Variants in UNC5A observed in about 807,000 individuals in gnomAD.
The protein encoded by UNC5A is netrin receptor UNC5A.
Under a neutral mutation model 87.4 loss-of-function variants are expected in UNC5A, and 20 were observed. That is an observed-to-expected ratio of 0.23 (90% CI 0.16 to 0.33). The LOEUF is 0.33. Ranked by LOEUF, UNC5A falls within the 10% of genes least tolerant of loss-of-function variation. The pLI is 1.00. For synonymous variants in UNC5A, 438 were observed against 482.3 expected, an observed-to-expected ratio of 0.91 and a Z score of 1.20; for missense variants, 844 against 1,133.4, an observed-to-expected ratio of 0.74 and a Z score of 3.67.
intron 1 of UNC5A, among the ~76,000 whole-genome samples, chr5:176,817,934 G>T (rs1756633510): frequency 6.6e-6 from 1 of 151,986 alleles, no homozygotes; most frequent in Non-Finnish European, 1.5e-5. Context: ...GGATGCCTCC[G>T]CCCGCCAGCC....
intron 1 of UNC5A, among the ~76,000 whole-genome samples, chr5:176,855,297 G>A (rs550043144): frequency 3.3e-5 from 5 of 152,328 alleles, no homozygotes; most frequent in Non-Finnish European, 5.9e-5. Flanking sequence ...CCATGCCCAC[G>A]GCTCCAAGCT....
intron 1 of UNC5A, among the ~76,000 whole-genome samples, chr5:176,842,765 G>C (rs1757306594): frequency 6.6e-6 from 1 of 152,136 alleles, no homozygotes; most frequent in Non-Finnish European, 1.5e-5. Flanking sequence ...ATACTGCTCG[G>C]GTGATGGGTG....
rs548683112 is a variant in UNC5A at position 176,824,232 on chromosome 5, G to T, written c.70+13412G>T. Among the ~76,000 whole-genome samples, 16 of 152,346 alleles carry T rather than the reference G, an allele frequency of 1.1e-4. No individual in the cohort carries two copies. Among genetic ancestry groups the T allele is most frequent in the Non-Finnish European group, 1.9e-4 (13 of 68,028 alleles). On this transcript the variant is annotated intron_variant, in intron 1 of 14. Coordinates refer to ENST00000329542, the MANE Select transcript of UNC5A (RefSeq NM_133369.3). This position sits in a 1 kb window ranked among gnomAD's most constrained non-coding sequence, Gnocchi z 4.2. ...CCCCATGTGTGGAAAGCGGCCGTGGGGCTGAGGCGGGTGAGGCCAGCGCAC... is the reference window on the plus strand; with the variant it reads ...CCCCATGTGTGGAAAGCGGCCGTGGTGCTGAGGCGGGTGAGGCCAGCGCAC...
At chr5:176,823,578 G>A (rs1254687128) in intron 1 of UNC5A, among the ~76,000 whole-genome samples, 1 of 152,036 alleles carries the variant, frequency 6.6e-6, no homozygotes, top group African/African-American at 2.4e-5. Context: ...GAAGCCCTAC[G>A]GGGTAGGTCG....
Position 176,866,827 on chromosome 5 carries a change from G to A in UNC5A, c.293-1303G>A, listed in dbSNP as rs1757986579. Among the ~76,000 whole-genome samples, 1 of 152,294 alleles carries A rather than the reference G, an allele frequency of 6.6e-6. No homozygotes were observed. The highest frequency in any genetic ancestry group is 1.5e-5 in the Non-Finnish European group (1 of 68,022). On this transcript the variant is annotated intron_variant, in intron 2 of 14. Transcript: ENST00000329542. The surrounding 1 kb of genome is among the most constrained non-coding windows in gnomAD (Gnocchi z 5.0). ...CACACTGGGTGTCTTAGAGAACGGG[G>A]CAGGTGGTGCCCAGAACGGAGGGAA...
At chr5:176,858,776 C>A (rs59843393) in intron 1 of UNC5A, among the ~76,000 whole-genome samples, 3,355 of 16,414 alleles carry the variant, frequency 0.2, 243 homozygotes, top group African/African-American at 0.33. Flanking sequence ...GGAAGGAAGG[C>A]AAGCAAGCAG....
rs773997914 is a variant in UNC5A, at chr5:176,844,268, C to G, written c.71-18356C>G. On this transcript the variant is annotated intron_variant, in intron 1 of 14. Coordinates refer to ENST00000329542, the MANE Select transcript of UNC5A (RefSeq NM_133369.3). This position sits in a 1 kb window ranked among gnomAD's most constrained non-coding sequence, Gnocchi z 4.2. ...GGAGAGAACACTTGGTCCTGGTATC[C>G]CGTGGGCCACCGGGGTTCTCTTGGT... 1.3e-5 allele frequency among the ~76,000 whole-genome samples: 2 copies of G among 151,922 alleles called. No homozygotes were observed. Among genetic ancestry groups the G allele is most frequent in the African/African-American group, 4.8e-5 (2 of 41,368 alleles).
rs1282337928 is a variant in UNC5A at position 176,831,883 on chromosome 5, CTCTTTT to C, written c.70+21065_70+21070del. On this transcript the variant is annotated intron_variant, in intron 1 of 14. Coordinates refer to ENST00000329542, the MANE Select transcript of UNC5A (RefSeq NM_133369.3). ...TTTCACTTTCACACACTTTCTCTCT[CTCTTTT>C]TTTTTTTTTTTTTTTTTTTTTTTTT... 3.3e-4 allele frequency among the ~76,000 whole-genome samples: 38 copies of C among 115,302 alleles called. 2 individuals are homozygous for C. The highest frequency in any genetic ancestry group is 1.2e-3 in the African/African-American group (34 of 27,284). The allele number at this position is 115,302 out of a possible 152,430, so 75.6% of individuals were successfully genotyped here. A position where few individuals can be genotyped will look rare whatever the true frequency, so the allele number is the denominator to read the frequency against.
chr5:176,829,478 ATGGT>A (rs1353824414), intron 1 of UNC5A, among the ~76,000 whole-genome samples: 20 of 127,506 alleles, frequency 1.6e-4, no homozygotes, highest in African/African-American at 5.9e-4. Flanking sequence ...GGGTGGGTGG[ATGGT>A]TGGGTGGGTG....
At chr5:176,853,840 C>T (rs989122798) in intron 1 of UNC5A, among the ~76,000 whole-genome samples, 6 of 152,030 alleles carry the variant, frequency 3.9e-5, no homozygotes, top group African/African-American at 9.7e-5. Context: ...ACTGCTAGGG[C>T]GACAGAGGAT....
intron 1 of UNC5A, among the ~76,000 whole-genome samples, chr5:176,828,720 C>T (rs1278276136): frequency 6.6e-6 from 1 of 152,162 alleles, no homozygotes; most frequent in African/African-American, 2.4e-5. Context: ...TTAAAACACA[C>T]GCTTCTTGAG....
intron 11 of UNC5A, 46 bp downstream of exon 11, chr5:176,878,173 C>A: frequency 6.2e-7 from 1 of 1,603,916 alleles, no homozygotes. Flanking sequence ...CCGAGCTATG[C>A]CTGGCCCTGT....
intron 1 of UNC5A, among the ~76,000 whole-genome samples, chr5:176,862,188 C>A (rs966146105): frequency 6.6e-6 from 1 of 152,204 alleles, no homozygotes; most frequent in Non-Finnish European, 1.5e-5. Flanking sequence ...GGAAGCAGGG[C>A]CCCAGAGGCG....
At position 176,877,213 on chromosome 5, in the gene UNC5A, C is replaced by G. The variant is rs764472157; in HGVS notation, c.1400C>G (p.Pro467Arg). ...PNTGISLLIPPDAIPRGKIYE... is the reference protein window; with the variant it reads ...PNTGISLLIPRDAIPRGKIYE... ...CCAGGAATCAGCCTCCTCATCCCCC[C>G]AGATGCCATACCCCGAGGGAAGATC... The change falls in exon 9 of 15, where the codon CCA becomes CGA. Residue 467 changes from proline to arginine, a missense_variant. Physicochemically the swap from Pro to Arg is moderately radical, Grantham distance 103. Transcript: ENST00000329542. The G allele has an allele frequency of 6.2e-7, 1 of 1,612,858 alleles. No individual in the cohort carries two copies. Among genetic ancestry groups the G allele is most frequent in the Non-Finnish European group, 8.5e-7 (1 of 1,179,662 alleles).
chr5:176,846,167 C>T (rs931323441), intron 1 of UNC5A, among the ~76,000 whole-genome samples: 2 of 152,026 alleles, frequency 1.3e-5, no homozygotes, highest in African/African-American at 2.4e-5. Context: ...CACTTTCTGC[C>T]CTGAGGTCCT....
In UNC5A at chr5:176,865,465, CG is replaced by C; in HGVS notation, c.292+2623del. ...TCCTGTGGCCCTGTTCTCTTCCTGC[CG>C]GGCAGAGAAGCAGAGCTTGGGACAC... On this transcript the variant is annotated intron_variant, in intron 2 of 14. Transcript: ENST00000329542. The surrounding 1 kb of genome is among the most constrained non-coding windows in gnomAD (Gnocchi z 5.3). 5.1e-6 allele frequency: 2 copies of C among 388,912 alleles called. No individual in the cohort carries two copies. Among genetic ancestry groups the C allele is most frequent in the South Asian group, 3.8e-5 (2 of 53,196 alleles). The allele number at this position is 388,912 out of a possible 1,614,324, so 24.1% of individuals were successfully genotyped here.
At chr5:176,843,995 T>C (rs1168796949) in intron 1 of UNC5A, among the ~76,000 whole-genome samples, 1 of 152,262 alleles carries the variant, frequency 6.6e-6, no homozygotes, top group East Asian at 1.9e-4. Flanking sequence ...AAGTTTGTTA[T>C]GAATTATTCT....
Position 176,862,830 on chromosome 5 carries a change from A to T in UNC5A, c.277A>T (p.Thr93Ser). Reference sequence around the variant, plus strand: ...GGTGGACCACGTGATCGAGCGCAGCACAGACGGGAGCAGTGGTGAGCCGCA... The same window carrying T: ...GGTGGACCACGTGATCGAGCGCAGCTCAGACGGGAGCAGTGGTGAGCCGCA... ...RQVDHVIERS[T>S]DGSSGLPTME... The change falls in exon 2 of 15, where the codon ACA becomes TCA. Residue 93 changes from threonine to serine, a missense_variant. Thr to Ser is a moderately conservative substitution (Grantham distance 58). Transcript: ENST00000329542. 1 of 1,613,116 alleles carries T rather than the reference A, an allele frequency of 6.2e-7. No individual in the cohort carries two copies.
intron 6 of UNC5A, 54 bp from the exon 7 acceptor site, chr5:176,873,914 C>T: frequency 6.4e-7 from 1 of 1,573,562 alleles, no homozygotes; most frequent in South Asian, 1.1e-5. Flanking sequence ...ACTGACCTCT[C>T]CTTCCCAGAC....
Sources: gnomAD v4.1 joint callset for allele counts (sites outside exome capture counted in the v4.1 genomes callset) on GRCh38, gnomAD v4.1.1 for gene constraint, Gnocchi (gnomAD v3.1) non-coding constraint, MANE v1.5 for transcripts, NCBI Gene and HGNC (gene_info 2026-07-23, HGNC 2026-07-21) for gene names.